AQP4: variants seen among roughly 807,000 people sequenced by gnomAD.
AQP4 encodes the protein aquaporin 4.
In AQP4, 18 loss-of-function variants were observed where a neutral mutation model predicts 27.8. That is an observed-to-expected ratio of 0.65 (90% CI 0.45 to 0.96). The LOEUF is 0.96. Among genes scored for constraint, AQP4 ranks in the 40% least tolerant of loss-of-function variants. AQP4 has a pLI of 0.00. For missense variants in AQP4, 412 were observed against 408.2 expected, an observed-to-expected ratio of 1.01 and a Z score of -0.08; for synonymous variants, 141 against 142.9, an observed-to-expected ratio of 0.99 and a Z score of 0.10.
At chr18:26,862,693 C>T in intron 1 of AQP4, 97 bp from the exon 2 acceptor site, 1 of 1,523,950 alleles carries the variant, frequency 6.6e-7, no homozygotes, top group Non-Finnish European at 9.0e-7. Flanking sequence ...GTACTGTGGG[C>T]AGGGGCTGCC....
rs771087375 is a variant in AQP4, at chr18:26,862,293, G to A, written c.336C>T (p.Ile112=). 53 of 1,614,098 alleles carry A rather than the reference G, an allele frequency of 3.3e-5. No homozygotes were observed. Among genetic ancestry groups the A allele is most frequent in the African/African-American group, 6.7e-5 (5 of 74,928 alleles). Residue 112 remains isoleucine, a synonymous_variant, in exon 2 of 5, where the codon ATC becomes ATT. Transcript: ENST00000383168. ...CTGCGATGTAGAAGACAGACTTGGC[G>A]ATGCTGATCTTCCTGGTGCACACCA... ...VAMVCTRKIS[I]AKSVFYIAAQ...
At chr18:26,862,658 A>G (rs1323737229) in intron 1 of AQP4, 62 bp from the exon 2 acceptor site, 7 of 1,610,388 alleles carry the variant, frequency 4.3e-6, no homozygotes, top group Non-Finnish European at 4.2e-6. Flanking sequence ...ATTTAGGTGA[A>G]GGGAACAAGG....
At chr18:26,863,431 T>C (rs1025422499) in intron 1 of AQP4, among the ~76,000 whole-genome samples, 1 of 148,944 alleles carries the variant, frequency 6.7e-6, no homozygotes, top group Non-Finnish European at 1.5e-5. Context: ...GGCGGCCAGG[T>C]GCACACGCAG....
intron 2 of AQP4, 149 bp from the exon 3 acceptor site, chr18:26,861,444 A>AC: frequency 1.3e-6 from 1 of 754,900 alleles, no homozygotes; most frequent in Non-Finnish European, 2.2e-6. Context: ...TCCTTCTCTC[A>AC]CCCCCCAAAA....
Position 26,865,289 on chromosome 18 carries a change from G to A in AQP4, c.32+369C>T, listed in dbSNP as rs979454984. On this transcript the variant is annotated intron_variant, in intron 1 of 4. Transcript: ENST00000383168. The stretch of plus-strand genomic sequence containing the variant: ...CCCAGAACAAAGCGGGTTTGTTGAT[G>A]TACTGAATCGGACACATTACTTTCT... The A allele has an allele frequency of 1.9e-5, 7 of 366,670 alleles. No homozygotes were observed. The Admixed American group carries it at 2.7e-4, about 14-fold the overall frequency. 22.7% of individuals were successfully genotyped at this position (366,670 alleles called of 1,614,324 possible).
In AQP4 at chr18:26,862,315, A is replaced by G. The variant is rs776847346; in HGVS notation, c.314T>C (p.Val105Ala). The part of the protein sequence containing the change: ...HINPAVTVAM[V>A]CTRKISIAKS... Reference sequence around the variant, plus strand: ...GGCGATGCTGATCTTCCTGGTGCACACCATGGCCACAGTCACTGCAGGGTT... The same window carrying G: ...GGCGATGCTGATCTTCCTGGTGCACGCCATGGCCACAGTCACTGCAGGGTT... Residue 105 changes from valine (V) to alanine (A), a missense_variant, in exon 2 of 5, where the codon GTG becomes GCG. Physicochemically the swap from Val to Ala is moderately conservative, Grantham distance 64 (BLOSUM62 0). Coordinates refer to ENST00000383168, the MANE Select transcript of AQP4 (RefSeq NM_001650.7). 8.7e-6 allele frequency: 14 copies of G among 1,614,096 alleles called. No homozygotes were observed. Among genetic ancestry groups the G allele is most frequent in the African/African-American group, 1.3e-5 (1 of 74,918 alleles).
At chr18:26,860,201 T>G (rs769094086) in intron 4 of AQP4, among the ~76,000 whole-genome samples, 1 of 152,242 alleles carries the variant, frequency 6.6e-6, no homozygotes, top group African/African-American at 2.4e-5. Context: ...GTAACAGTTA[T>G]GGTGATAATA....
chr18:26,860,527 CA>C (rs1568067876), intron 4 of AQP4, among the ~76,000 whole-genome samples: 1 of 151,914 alleles, frequency 6.6e-6, no homozygotes, highest in Admixed American at 6.6e-5. Context: ...AATAGTGCTT[CA>C]AAAAAGGAAA....
At position 26,856,343 on chromosome 18, in the gene AQP4, C is replaced by T. The variant is rs751130124; in HGVS notation, c.840G>A (p.Val280=). The T allele has an allele frequency of 1.9e-6, 3 of 1,614,104 alleles. No individual in the cohort carries two copies. The highest frequency in any genetic ancestry group is 2.2e-5 in the South Asian group (2 of 91,088). ...AQQTKGSYME[V]EDNRSQVETD... ...TCTCTACCTGACTCCTGTTGTCCTCCACCTCCATGTAGCTTCCTTTTGTTT... is the reference window on the plus strand; with the variant it reads ...TCTCTACCTGACTCCTGTTGTCCTCTACCTCCATGTAGCTTCCTTTTGTTT... Residue 280 remains valine (V), a synonymous_variant, in exon 5 of 5, where the codon GTG becomes GTA. Coordinates refer to ENST00000383168, the MANE Select transcript of AQP4 (RefSeq NM_001650.7).
At position 26,865,675 on chromosome 18, in the gene AQP4, G is replaced by A; in HGVS notation, c.15C>T (p.Pro5=). The change falls in exon 1 of 5, where the codon CCC becomes CCT. Residue 5 remains proline (P), a synonymous_variant. Transcript: ENST00000383168. ...GGACTTACCCCCACCGCCTTGCTGT[G>A]GGTCTGTCACTCATGCCTTCCCCAG... The part of the protein sequence containing the change: MSDR[P]TARRWGKCGP... The A allele has an allele frequency of 1.2e-6, 2 of 1,614,186 alleles. No homozygotes were observed. Among genetic ancestry groups the A allele is most frequent in the Non-Finnish European group, 1.7e-6 (2 of 1,180,036 alleles).
chr18:26,860,426 T>G (rs531556984), intron 4 of AQP4, among the ~76,000 whole-genome samples: 1 of 152,330 alleles, frequency 6.6e-6, no homozygotes, highest in Non-Finnish European at 1.5e-5. Flanking sequence ...AAACACCATA[T>G]TCACTACACC....
Position 26,853,028 on chromosome 18 carries a change from G to A in AQP4, c.*3183C>T, listed in dbSNP as rs2054778206. 1 of 396,728 alleles carries A rather than the reference G, an allele frequency of 2.5e-6. No individual in the cohort carries two copies. Among genetic ancestry groups the A allele is most frequent in the African/African-American group, 2.1e-5 (1 of 48,610 alleles). The allele number at this position is 396,728 out of a possible 1,614,324, so 24.6% of individuals were successfully genotyped here. A position where few individuals can be genotyped will look rare whatever the true frequency, so the allele number is the denominator to read the frequency against. ...TCGAGTTTAAACCAATACATGTGTT[G>A]TCTGGTTTCATGGTCTGAGAACAGT... is the stretch of plus-strand genomic sequence containing the variant. On this transcript the variant is annotated 3_prime_UTR_variant, in exon 5 of 5. Transcript: ENST00000383168.
intron 1 of AQP4, among the ~76,000 whole-genome samples, chr18:26,864,309 C>A (rs1224030863): frequency 1.3e-5 from 2 of 152,160 alleles, no homozygotes; most frequent in Non-Finnish European, 2.9e-5. Flanking sequence ...CTCAGCCTAG[C>A]CCTTAGTTTG....
intron 4 of AQP4, 47 bp from the exon 5 acceptor site, chr18:26,856,536 T>G: frequency 6.3e-7 from 1 of 1,596,596 alleles, no homozygotes; most frequent in Non-Finnish European, 8.6e-7. Flanking sequence ...AGAAAAGCTA[T>G]TCCATTGAGC....
At chr18:26,860,998 A>C in intron 3 of AQP4, 133 bp downstream of exon 3, 1 of 1,417,022 alleles carries the variant, frequency 7.1e-7, no homozygotes. Context: ...GCAGTTGGAA[A>C]AATTATAACC....
In AQP4 at chr18:26,856,024, T is replaced by G; in HGVS notation, c.*187A>C. On this transcript the variant is annotated 3_prime_UTR_variant, in exon 5 of 5. Transcript: ENST00000383168. The stretch of plus-strand genomic sequence containing the variant: ...ATATTTCTTTTTTTAGATTTGGAAT[T>G]CACAATAGGTTTCTTCCGTTCCTCC... The G allele has an allele frequency of 1.4e-6, 1 of 714,372 alleles. No homozygotes were observed. The highest frequency in any genetic ancestry group is 2.7e-5 in the East Asian group (1 of 36,630). 44.3% of individuals were successfully genotyped at this position (714,372 alleles called of 1,614,324 possible). A position where few individuals can be genotyped will look rare whatever the true frequency, so the allele number is the denominator to read the frequency against.
chr18:26,856,942 T>A (rs916845151), intron 4 of AQP4, among the ~76,000 whole-genome samples: 4 of 152,206 alleles, frequency 2.6e-5, no homozygotes, highest in Non-Finnish European at 4.4e-5. Context: ...GGGATTCCGT[T>A]ATTCAGGTAA....
chr18:26,860,833 C>G lies in AQP4; in HGVS notation c.632G>C (p.Ser211Thr). 1.2e-6 allele frequency: 2 copies of G among 1,614,050 alleles called. No individual in the cohort carries two copies. Among genetic ancestry groups the G allele is most frequent in the Non-Finnish European group, 1.7e-6 (2 of 1,179,936 alleles). ...TCCAAAGGATCGGGCGGGATTCATG[C>G]TGGCACCAGTATAATTGATCTATAG... ...HLFAINYTGA[S>T]MNPARSFGPA... The change falls in exon 4 of 5, where the codon AGC (serine) becomes ACC (threonine). Residue 211 changes from serine (S) to threonine (T), a missense_variant. By Grantham distance (58) the Ser-to-Thr change is moderately conservative. Coordinates refer to ENST00000383168, the MANE Select transcript of AQP4 (RefSeq NM_001650.7).
chr18:26,856,883 A>G (rs1244932873), intron 4 of AQP4, among the ~76,000 whole-genome samples: 2 of 152,176 alleles, frequency 1.3e-5, no homozygotes, highest in Admixed American at 1.3e-4. Flanking sequence ...TTGCCATTTT[A>G]CACTGGTTTC....
Sources: allele counts gnomAD v4.1 joint callset (sites outside exome capture counted in the v4.1 genomes callset), GRCh38; gene constraint gnomAD v4.1.1; transcripts MANE v1.5; gene names NCBI Gene and HGNC (gene_info 2026-07-23, HGNC 2026-07-21).